RGS22: variants seen among roughly 807,000 people sequenced by gnomAD.
RGS22 encodes regulator of G protein signaling 22, also known as regulator of G-protein signaling 22.
In RGS22, 148 loss-of-function variants were observed where a neutral mutation model predicts 172.9. The ratio of observed to expected loss-of-function variants is 0.86; its 90% CI spans 0.75 to 0.98. RGS22 has a LOEUF of 0.98. RGS22 is among the 50% of genes least tolerant of loss of function. The pLI, the probability that RGS22 is intolerant of heterozygous loss-of-function variation, is 0.00. For missense variants in RGS22, 1,347 were observed against 1,440.8 expected, an observed-to-expected ratio of 0.93 and a Z score of 1.05; for synonymous variants, 458 against 480.2, an observed-to-expected ratio of 0.95 and a Z score of 0.60.
intron 9 of RGS22, among the ~76,000 whole-genome samples, chr8:100,054,954 A>C (rs1243363714): frequency 6.6e-6 from 1 of 152,186 alleles, no homozygotes; most frequent in Non-Finnish European, 1.5e-5. Context: ...GAAGCACTAC[A>C]AGTTATGCTT....
chr8:99,997,912 CAGAT>C (rs1183091235), intron 19 of RGS22, among the ~76,000 whole-genome samples: 5 of 152,240 alleles, frequency 3.3e-5, no homozygotes, highest in East Asian at 1.9e-4. Flanking sequence ...TAAACATAAA[CAGAT>C]GGATGGATGG....
chr8:100,105,953 G>A lies in RGS22; in HGVS notation c.-32C>T. 5 of 1,448,794 alleles carry A rather than the reference G, an allele frequency of 3.5e-6. No homozygotes were observed. Among genetic ancestry groups the A allele is most frequent in the Non-Finnish European group, 3.6e-6 (4 of 1,104,882 alleles). 89.7% of individuals were successfully genotyped at this position (1,448,794 alleles called of 1,614,324 possible). A position where few individuals can be genotyped will look rare whatever the true frequency, so the allele number is the denominator to read the frequency against. ...CCCGCTGCCCGCGCCTGGAGCCCGC[G>A]CGGGCCGTCAGGGCCCTAGCGCGCG... On this transcript the variant is annotated 5_prime_UTR_variant, in exon 1 of 28. Transcript: ENST00000360863.
intron 20 of RGS22, among the ~76,000 whole-genome samples, chr8:99,992,055 C>A (rs962336433): frequency 2.1e-4 from 32 of 152,146 alleles, no homozygotes; most frequent in Non-Finnish European, 4.4e-4. Flanking sequence ...CCTTTACAGA[C>A]AAGCAAATGC....
chr8:100,018,791 C>T (rs1817291021), intron 14 of RGS22, among the ~76,000 whole-genome samples: 1 of 152,116 alleles, frequency 6.6e-6, no homozygotes, highest in Non-Finnish European at 1.5e-5. Flanking sequence ...TTTCCAAAAT[C>T]ATTTTGAAAT....
chr8:100,086,867 C>A (rs1312085347), intron 3 of RGS22, among the ~76,000 whole-genome samples: 1 of 152,042 alleles, frequency 6.6e-6, no homozygotes, highest in African/African-American at 2.4e-5. Context: ...CAAGGAGGAG[C>A]CACTGAAGAG....
chr8:100,018,661 T>C (rs569016896), intron 14 of RGS22, among the ~76,000 whole-genome samples: 83 of 152,364 alleles, frequency 5.4e-4, no homozygotes, highest in Non-Finnish European at 1.0e-3. Context: ...AATACCTGCA[T>C]TGTACTATTA....
Position 99,999,304 on chromosome 8 carries a change from C to T in RGS22, c.2907G>A (p.Leu969=). ...QNRLENVWLP[L]FLASEQFAAR... ...CTGCAAACTGTTCACTTGCAAGAAA[C>T]AATGGCAGCCATACATTTTCTAGCC... is the stretch of plus-strand genomic sequence containing the variant. The change falls in exon 19 of 28, where the codon TTG becomes TTA. Residue 969 remains leucine, a synonymous_variant. Coordinates refer to ENST00000360863, the MANE Select transcript of RGS22 (RefSeq NM_015668.5). The T allele has an allele frequency of 1.2e-6, 2 of 1,613,894 alleles. No individual in the cohort carries two copies. Among genetic ancestry groups the T allele is most frequent in the South Asian group, 1.1e-5 (1 of 91,072 alleles).
chr8:100,040,666 T>C (rs1820002363), intron 12 of RGS22, among the ~76,000 whole-genome samples: 1 of 152,236 alleles, frequency 6.6e-6, no homozygotes, highest in Non-Finnish European at 1.5e-5. Flanking sequence ...CCTCATACAA[T>C]TTTTGAAACA....
At chr8:100,100,276 T>C (rs3133665) in intron 2 of RGS22, among the ~76,000 whole-genome samples, 23,543 of 151,276 alleles carry the variant, frequency 0.16, 2,387 homozygotes, top group African/African-American at 0.28. Flanking sequence ...TTTTTAAAGT[T>C]TGTATTTTTT....
At chr8:99,984,952 G>C (rs942561568) in intron 21 of RGS22, among the ~76,000 whole-genome samples, 2 of 152,100 alleles carry the variant, frequency 1.3e-5, no homozygotes, top group African/African-American at 4.8e-5. Flanking sequence ...CTACTATATA[G>C]ATATATCGTA....
In RGS22 at chr8:100,002,348, A is replaced by G. The variant is rs1293558239; in HGVS notation, c.2644T>C (p.Trp882Arg). 3 of 1,606,530 alleles carry G rather than the reference A, an allele frequency of 1.9e-6. No homozygotes were observed. Among genetic ancestry groups the G allele is most frequent in the Non-Finnish European group, 2.5e-6 (3 of 1,178,140 alleles). ...CTCCGGAACTGCTCAATGTCTGTCC[A>G]GCACATAAGATCCATGCTAAAATGA... ...THSSSMDLMC[W>R]TDIEQFRRIT... Residue 882 changes from tryptophan to arginine, a missense_variant, in exon 18 of 28, where the codon TGG becomes CGG. By Grantham distance (101) the Trp-to-Arg change is moderately radical. Transcript: ENST00000360863.
chr8:99,973,997 G>A (rs1811655692), intron 23 of RGS22, among the ~76,000 whole-genome samples: 1 of 151,868 alleles, frequency 6.6e-6, no homozygotes, highest in African/African-American at 2.4e-5. Flanking sequence ...AGAAATTAAA[G>A]TATAATAAAA....
At chr8:100,096,758 C>G (rs141145685) in intron 2 of RGS22, among the ~76,000 whole-genome samples, 23 of 151,266 alleles carry the variant, frequency 1.5e-4, no homozygotes, top group Non-Finnish European at 1.6e-4. Context: ...ATCCTCCCAC[C>G]TAGACCTCCC....
At chr8:100,046,154 G>T (rs1285077503) in intron 11 of RGS22, 2 of 152,016 alleles carry the variant, frequency 1.3e-5, no homozygotes, top group African/African-American at 4.8e-5. Flanking sequence ...CACTATTTTT[G>T]AACTATGTTT....
chr8:99,976,087 G>A (rs1413736284), intron 23 of RGS22, among the ~76,000 whole-genome samples: 1 of 152,046 alleles, frequency 6.6e-6, no homozygotes, highest in Admixed American at 6.6e-5. Context: ...CTACTCAGGA[G>A]GCTGAGGCAC....
chr8:100,047,401 T>A, intron 11 of RGS22, 62 bp downstream of exon 11: 1 of 1,453,138 alleles, frequency 6.9e-7, no homozygotes, highest in Non-Finnish European at 9.2e-7. Context: ...GTTTAGTTTT[T>A]AAATTCTCTA....
chr8:100,067,933 A>G (rs549022861), intron 6 of RGS22, among the ~76,000 whole-genome samples: 45 of 152,192 alleles, frequency 3.0e-4, no homozygotes, highest in African/African-American at 1.1e-3. Flanking sequence ...TATACTTTTA[A>G]GAGATGTGCC....
intron 14 of RGS22, among the ~76,000 whole-genome samples, chr8:100,032,475 A>C (rs1818929508): frequency 6.6e-6 from 1 of 152,254 alleles, no homozygotes; most frequent in Non-Finnish European, 1.5e-5. Flanking sequence ...AACTATCCTA[A>C]ATATATATGC....
Position 100,064,047 on chromosome 8 carries a change from T to C in RGS22, c.725-4A>G, listed in dbSNP as rs551923089. 5.0e-5 allele frequency: 75 copies of C among 1,490,652 alleles called. No individual in the cohort carries two copies. In the Admixed American group the frequency reaches 1.4e-3, roughly 28 times the overall value. 92.3% of individuals were successfully genotyped at this position (1,490,652 alleles called of 1,614,324 possible). A position where few individuals can be genotyped will look rare whatever the true frequency, so the allele number is the denominator to read the frequency against. On this transcript the variant is annotated splice_polypyrimidine_tract_variant and splice_region_variant and intron_variant, in intron 7 of 27. Coordinates refer to ENST00000360863, the MANE Select transcript of RGS22 (RefSeq NM_015668.5). ...CCATCATCAAAGATAAAATTCTCTG[T>C]ATTAAGTCATAAAAAGCTATTAGAT...
Sources: gnomAD v4.1 joint callset for allele counts (sites outside exome capture counted in the v4.1 genomes callset) on GRCh38, gnomAD v4.1.1 for gene constraint, MANE v1.5 for transcripts, NCBI Gene and HGNC (gene_info 2026-07-23, HGNC 2026-07-21) for gene names.